The following ZNF684 variants were observed in gnomAD, a reference collection of about 807,000 sequenced individuals.
ZNF684 encodes zinc finger protein 684, also known as hypothetical protein MGC27466.
In ZNF684, 13 loss-of-function variants were observed where a neutral mutation model predicts 12.8. The observed-to-expected ratio is 1.02, with a 90% CI of 0.66 to 1.62. ZNF684 has a LOEUF of 1.62. ZNF684 is among the 40% of genes most tolerant of loss of function. ZNF684 has a pLI of 0.00. For missense variants in ZNF684, 384 were observed against 446.9 expected (o/e 0.86, Z 1.27); for synonymous variants, 118 against 151.8 (o/e 0.78, Z 1.64).
At chr1:40,540,093 A>G (rs1038919522) in intron 2 of ZNF684, among the ~76,000 whole-genome samples, 8 of 152,184 alleles carry the variant, frequency 5.3e-5, no homozygotes, top group Non-Finnish European at 1.0e-4. Flanking sequence ...CCTATGGAGC[A>G]CAGAAGTTTT....
chr1:40,535,238 A>G (rs1447759045), intron 2 of ZNF684, among the ~76,000 whole-genome samples: 2 of 152,154 alleles, frequency 1.3e-5, no homozygotes, highest in Non-Finnish European at 2.9e-5. Flanking sequence ...TCCATGGGAG[A>G]CTGGTTGCAG....
At chr1:40,535,852 A>C (rs958419867) in intron 2 of ZNF684, among the ~76,000 whole-genome samples, 1 of 152,176 alleles carries the variant, frequency 6.6e-6, no homozygotes, top group Non-Finnish European at 1.5e-5. Context: ...TTAGATTTGA[A>C]GGTCATACAG....
Position 40,546,722 on chromosome 1 carries a change from T to C in ZNF684, c.399T>C (p.Tyr133=). 1 of 1,613,996 alleles carries C rather than the reference T, an allele frequency of 6.2e-7. No homozygotes were observed. The highest frequency in any genetic ancestry group is 8.5e-7 in the Non-Finnish European group (1 of 1,179,960). ...TTAATCCAATGAGAAAAAAATCATATAAATCGTTTGAGAAGTGTTTGCCAC... is the reference window on the plus strand; with the variant it reads ...TTAATCCAATGAGAAAAAAATCATACAAATCGTTTGAGAAGTGTTTGCCAC... ...TSLNPMRKKS[Y]KSFEKCLPPN... is the part of the protein sequence containing the mutation. Residue 133 remains tyrosine (Y), a synonymous_variant, in exon 5 of 5, where the codon TAT becomes TAC. Coordinates refer to ENST00000372699, the MANE Select transcript of ZNF684 (RefSeq NM_152373.4).
chr1:40,533,040 C>T, intron 1 of ZNF684, 103 bp from the exon 2 acceptor site: 1 of 868,928 alleles, frequency 1.2e-6, no homozygotes, highest in Non-Finnish European at 1.8e-6. Context: ...TTTTCTGAGG[C>T]TGCAGTGTGG....
At chr1:40,541,906 G>C (rs542284848) in intron 4 of ZNF684, among the ~76,000 whole-genome samples, 196 bp downstream of exon 4, 8 of 152,286 alleles carry the variant, frequency 5.3e-5, no homozygotes, top group South Asian at 2.1e-4. Context: ...TTGCTCAGCT[G>C]TTGTATGGAG....
At chr1:40,545,974 G>A (rs868171441) in intron 4 of ZNF684, among the ~76,000 whole-genome samples, 2 of 132,066 alleles carry the variant, frequency 1.5e-5, no homozygotes, top group Middle Eastern at 9.0e-3. Context: ...CCAGGCTGGA[G>A]TACAATGGCG....
rs571307170 is a variant in ZNF684, at chr1:40,540,703, A to G, written c.133A>G (p.Ile45Val). 18 of 1,604,168 alleles carry G rather than the reference A, an allele frequency of 1.1e-5. No individual in the cohort carries two copies. The African/African-American group carries it at 1.6e-4, about 14-fold the overall frequency. The change falls in exon 3 of 5, where the codon ATC becomes GTC. Residue 45 changes from isoleucine (I) to valine (V), a missense_variant. Transcript: ENST00000372699. The stretch of plus-strand genomic sequence containing the variant: ...GATGTTGGAGAACTATAGAAACCTC[A>G]TCTCAGTGGGTAAGGACAATGAGTG... ...DVMLENYRNL[I>V]SVGCPITKTK...
In ZNF684 at chr1:40,537,397, T is replaced by C. The variant is rs567539022; in HGVS notation, c.16-3189T>C. On this transcript the variant is annotated intron_variant, in intron 2 of 4. Coordinates refer to ENST00000372699, the MANE Select transcript of ZNF684 (RefSeq NM_152373.4). ...AGAATATGTAAGTGATATTTTTAAA[T>C]AGCTTTATTGAAATATAATTATCAT... Among the ~76,000 whole-genome samples the C allele has an allele frequency of 1.4e-3, 214 of 152,334 alleles. 1 individual carries two copies. Among genetic ancestry groups the C allele is most frequent in the African/African-American group, 4.9e-3 (205 of 41,588 alleles).
rs1321456013 is a variant in ZNF684, at chr1:40,535,839, A to G, written c.15+2658A>G. ...TTTCATAAAGGGTGAGATAGTAAAT[A>G]TTTTAGATTTGAAGGTCATACAGCC... On this transcript the variant is annotated intron_variant, in intron 2 of 4. Transcript: ENST00000372699. 2.0e-5 allele frequency among the ~76,000 whole-genome samples: 3 copies of G among 152,282 alleles called. No individual in the cohort carries two copies. In the East Asian group the frequency reaches 5.8e-4, roughly 29 times the overall value.
intron 2 of ZNF684, among the ~76,000 whole-genome samples, chr1:40,536,900 A>C (rs956025594): frequency 2.8e-4 from 42 of 149,904 alleles, no homozygotes; most frequent in Admixed American, 2.1e-3. Context: ...CATTTTCTTA[A>C]TCCAGTCTAT....
chr1:40,532,656 TA>T (rs1337624532), intron 1 of ZNF684, among the ~76,000 whole-genome samples: 1 of 151,004 alleles, frequency 6.6e-6, no homozygotes, highest in South Asian at 2.1e-4. Context: ...AAAAAAAAAA[TA>T]AAAAAAAGTG....
chr1:40,538,462 A>G (rs1171181727), intron 2 of ZNF684, among the ~76,000 whole-genome samples: 1 of 152,204 alleles, frequency 6.6e-6, no homozygotes, highest in Admixed American at 6.5e-5. Flanking sequence ...AACTCTTACT[A>G]TGAACATTTG....
intron 4 of ZNF684, among the ~76,000 whole-genome samples, chr1:40,542,925 T>C (rs1330710316): frequency 2.0e-5 from 3 of 152,258 alleles, no homozygotes; most frequent in East Asian, 1.9e-4. Flanking sequence ...TTTCAAATGA[T>C]TGACATATCT....
intron 4 of ZNF684, 120 bp from the exon 5 acceptor site, chr1:40,546,442 T>C (rs1312522685): frequency 3.1e-6 from 3 of 973,752 alleles, no homozygotes; most frequent in Non-Finnish European, 4.3e-6. Context: ...TCAGGAGGAG[T>C]GAGGCAAATA....
chr1:40,541,358 T>C (rs1570111230), intron 3 of ZNF684: 1 of 250,594 alleles, frequency 4.0e-6, no homozygotes, highest in East Asian at 8.2e-5. Context: ...TAATTTTTTG[T>C]ATTTTTAGCA....
chr1:40,540,746 T>C (rs1267735594), intron 3 of ZNF684, 34 bp downstream of exon 3: 1 of 1,564,574 alleles, frequency 6.4e-7, no homozygotes. Flanking sequence ...TTCAGTGTAA[T>C]TCAGTGTATA....
chr1:40,537,856 T>A (rs1272384276), intron 2 of ZNF684, among the ~76,000 whole-genome samples: 2 of 152,086 alleles, frequency 1.3e-5, no homozygotes, highest in African/African-American at 4.8e-5. Context: ...CTAAAAGCAA[T>A]TCCATACCCT....
At chr1:40,546,412 A>T (rs1313467089) in intron 4 of ZNF684, 150 bp from the exon 5 acceptor site, 1 of 717,710 alleles carries the variant, frequency 1.4e-6, no homozygotes, top group Non-Finnish European at 2.1e-6. Context: ...TTCCCTCTTC[A>T]GCAGTTTTAT....
At chr1:40,532,698 G>A (rs1296117882) in intron 1 of ZNF684, among the ~76,000 whole-genome samples, 2 of 152,046 alleles carry the variant, frequency 1.3e-5, no homozygotes, top group Non-Finnish European at 2.9e-5. Context: ...GCCTTCTCAA[G>A]AAAGCCCAAC....
Sources: gnomAD v4.1 joint callset for allele counts (sites outside exome capture counted in the v4.1 genomes callset) on GRCh38, gnomAD v4.1.1 for gene constraint, MANE v1.5 for transcripts, NCBI Gene and HGNC (gene_info 2026-07-23, HGNC 2026-07-21) for gene names.